Variants in UTRN observed in about 807,000 individuals in gnomAD.
UTRN encodes utrophin, also known as dystrophin-related protein 1.
UTRN carries 283 observed loss-of-function variants against 463.9 expected under a neutral mutation model. The ratio of observed to expected loss-of-function variants is 0.61; its 90% CI spans 0.55 to 0.67. The LOEUF is 0.67. UTRN is among the 30% of genes least tolerant of loss of function. The probability of loss-of-function intolerance (pLI) is 0.00; values close to 1 mark genes in which losing one functional copy is unlikely to be tolerated. For missense variants in UTRN, 3,922 were observed against 4,084.3 expected (o/e 0.96, Z 1.08); for synonymous variants, 1,442 against 1,431.5 (o/e 1.01, Z -0.17).
At chr6:144,396,133 T>C (rs948668461) in intron 2 of UTRN, among the ~76,000 whole-genome samples, 3 of 152,204 alleles carry the variant, frequency 2.0e-5, no homozygotes, top group Non-Finnish European at 4.4e-5. Context: ...CTAGTGCTCA[T>C]CTTTAGACAA....
intron 39 of UTRN, 64 bp downstream of exon 39, chr6:144,517,012 T>G: frequency 1.5e-6 from 2 of 1,328,490 alleles, no homozygotes; most frequent in Non-Finnish European, 9.7e-7. Context: ...CATTCAGATG[T>G]GTGATGCTGC....
At chr6:144,708,192 T>C (rs1308308692) in intron 53 of UTRN, 3 of 567,400 alleles carry the variant, frequency 5.3e-6, no homozygotes, top group South Asian at 3.1e-5. Context: ...TAGCCAGTTA[T>C]TTTTGAATTG....
chr6:144,486,075 T>A lies in UTRN; in HGVS notation c.3822+556T>A, dbSNP rs1195943504. 2.6e-5 allele frequency among the ~76,000 whole-genome samples: 4 copies of A among 152,132 alleles called. No individual in the cohort carries two copies. In the East Asian group the frequency reaches 7.7e-4, roughly 29 times the overall value. ...GCACAGTGTGTAGCACATGTTAACT[T>A]AATAACCGTTTCTTAAATGAAATAC... On this transcript the variant is annotated intron_variant, in intron 28 of 74. Coordinates refer to ENST00000367545, the MANE Select transcript of UTRN (RefSeq NM_007124.3).
chr6:144,783,608 T>C (rs1337950483), intron 61 of UTRN, among the ~76,000 whole-genome samples: 1 of 152,242 alleles, frequency 6.6e-6, no homozygotes, highest in African/African-American at 2.4e-5. Flanking sequence ...TTCTATCTTT[T>C]GAACCTGTGA....
At chr6:144,754,652 A>G in intron 56 of UTRN, 68 bp from the exon 57 acceptor site, 1 of 1,554,556 alleles carries the variant, frequency 6.4e-7, no homozygotes, top group Non-Finnish European at 8.8e-7. Flanking sequence ...CTTTAAAGCA[A>G]AAATATTATT....
chr6:144,666,391 T>C (rs538097972), intron 51 of UTRN, among the ~76,000 whole-genome samples: 2 of 152,346 alleles, frequency 1.3e-5, no homozygotes, highest in East Asian at 3.9e-4. Context: ...CTACATTTCC[T>C]TCCAATTTTT....
chr6:144,766,551 T>C (rs1323103198), intron 58 of UTRN, among the ~76,000 whole-genome samples: 1 of 152,116 alleles, frequency 6.6e-6, no homozygotes, highest in South Asian at 2.1e-4. Flanking sequence ...GTGTTTGTCG[T>C]CTCTTATTTT....
chr6:144,312,258 T>C (rs1183698416), intron 2 of UTRN, among the ~76,000 whole-genome samples: 3 of 152,086 alleles, frequency 2.0e-5, no homozygotes, highest in African/African-American at 7.2e-5. Flanking sequence ...ACCCCGTCTC[T>C]ACTAAAAATA....
chr6:144,502,526 T>G (rs1414121122), intron 34 of UTRN, among the ~76,000 whole-genome samples: 2 of 152,176 alleles, frequency 1.3e-5, no homozygotes, highest in Non-Finnish European at 2.9e-5. Flanking sequence ...TTTCTGTTCC[T>G]GTGTTAGTTT....
intron 2 of UTRN, among the ~76,000 whole-genome samples, chr6:144,334,048 G>A (rs1189443574): frequency 6.6e-6 from 1 of 152,144 alleles, no homozygotes; most frequent in Non-Finnish European, 1.5e-5. Flanking sequence ...AAGAAATTAT[G>A]TATCAACAGA....
chr6:144,468,006 T>G (rs769135198), intron 23 of UTRN, among the ~76,000 whole-genome samples: 4 of 152,160 alleles, frequency 2.6e-5, no homozygotes, highest in Non-Finnish European at 5.9e-5. Flanking sequence ...AATTACTGTT[T>G]TAATTCTGGC....
Position 144,423,997 on chromosome 6 carries a change from G to A in UTRN, c.324G>A (p.Val108=), listed in dbSNP as rs761047366. 4.3e-6 allele frequency: 7 copies of A among 1,613,894 alleles called. No homozygotes were observed. The South Asian group carries it at 6.6e-5, about 15-fold the overall frequency. ...QVLHQNNVEL[V]NIGGTDIVDG... ...TTTTGTCTTAATAGGTGGAATTAGT[G>A]AATATAGGGGGAACTGACATTGTGG... The change falls in exon 6 of 75, where the codon GTG becomes GTA. Residue 108 remains valine (V), a synonymous_variant. Transcript: ENST00000367545.
At chr6:144,650,824 G>T (rs866626377) in intron 51 of UTRN, among the ~76,000 whole-genome samples, 1 of 152,008 alleles carries the variant, frequency 6.6e-6, no homozygotes, top group Non-Finnish European at 1.5e-5. Flanking sequence ...CAGGAGAATC[G>T]CTTGAACCCA....
chr6:144,351,086 G>A (rs903048884), intron 2 of UTRN, among the ~76,000 whole-genome samples: 1 of 152,134 alleles, frequency 6.6e-6, no homozygotes, highest in Non-Finnish European at 1.5e-5. Context: ...GGAACATGGA[G>A]TTAGCAGAAA....
intron 2 of UTRN, among the ~76,000 whole-genome samples, chr6:144,347,119 G>A (rs1777654125): frequency 6.6e-6 from 1 of 152,236 alleles, no homozygotes; most frequent in Non-Finnish European, 1.5e-5. Flanking sequence ...CCACTCCTGG[G>A]AGCCCTGCTC....
At chr6:144,655,350 G>C (rs1029514486) in intron 51 of UTRN, among the ~76,000 whole-genome samples, 3 of 152,226 alleles carry the variant, frequency 2.0e-5, no homozygotes, top group Non-Finnish European at 4.4e-5. Context: ...ACAATGAATT[G>C]AAAACTCAGA....
chr6:144,548,825 G>A lies in UTRN; in HGVS notation c.6781G>A (p.Glu2261Lys), dbSNP rs867390252. 1.2e-6 allele frequency: 2 copies of A among 1,613,980 alleles called. No individual in the cohort carries two copies. The highest frequency in any genetic ancestry group is 1.7e-6 in the Non-Finnish European group (2 of 1,179,928). ...SNIVTVGDVE[E>K]INKTVSRMKI... is the part of the protein sequence containing the mutation. ...CATTGTCACTGTTGGGGATGTAGAA[G>A]AGATCAATAAGACCGTTTCCCGAAT... Residue 2261 changes from glutamate (E) to lysine (K), a missense_variant, in exon 47 of 75, where the codon GAG (glutamate) becomes AAG (lysine). Physicochemically the swap from Glu to Lys is moderately conservative, Grantham distance 56 (BLOSUM62 1). Coordinates refer to ENST00000367545, the MANE Select transcript of UTRN (RefSeq NM_007124.3).
At position 144,803,084 on chromosome 6, in the gene UTRN, CT is replaced by C; in HGVS notation, c.9298del (p.Ser3100ArgfsTer64). On this transcript the variant is annotated frameshift_variant, in exon 65 of 75. Transcript: ENST00000367545. LOFTEE classifies it high-confidence loss of function. ...ACTATGATGTCTGCCAGAGTTGTTT[CT>C]TTTCGGGTCGAACAGCAAAAGGTCA... ...FNYDVCQSCF[F>X]SGRTAKGHKL... 6.3e-7 allele frequency: 1 copy of C among 1,590,092 alleles called. No homozygotes were observed. Among genetic ancestry groups the C allele is most frequent in the Non-Finnish European group, 8.6e-7 (1 of 1,168,846 alleles).
intron 2 of UTRN, among the ~76,000 whole-genome samples, chr6:144,357,919 G>A (rs1778712130): frequency 1.3e-5 from 2 of 152,216 alleles, no homozygotes. Flanking sequence ...GGAGAGGAAG[G>A]GTAGGAGCCT....
Sources: gnomAD v4.1 joint callset for allele counts (sites outside exome capture counted in the v4.1 genomes callset) on GRCh38, gnomAD v4.1.1 for gene constraint, MANE v1.5 for transcripts, NCBI Gene and HGNC (gene_info 2026-07-23, HGNC 2026-07-21) for gene names.